The following MCCC2 variants were observed in gnomAD, a reference collection of about 807,000 sequenced individuals.
The protein encoded by MCCC2 is methylcrotonoyl-CoA carboxylase beta chain, mitochondrial.
MCCC2 carries 52 observed loss-of-function variants against 77.2 expected under a neutral mutation model. That is an observed-to-expected ratio of 0.67 (90% CI 0.54 to 0.85). The LOEUF (loss-of-function observed/expected upper bound fraction) is 0.85. Ranked by LOEUF, MCCC2 falls within the 40% of genes least tolerant of loss-of-function variation. The pLI, the probability that MCCC2 is intolerant of heterozygous loss-of-function variation, is 0.00. For missense variants in MCCC2, 682 were observed against 703.2 expected, an observed-to-expected ratio of 0.97 and a Z score of 0.34; for synonymous variants, 253 against 248.4, an observed-to-expected ratio of 1.02 and a Z score of -0.18.
At chr5:71,646,369 C>T (rs1747275509) in intron 13 of MCCC2, 92 bp downstream of exon 13, 1 of 1,144,392 alleles carries the variant, frequency 8.7e-7, no homozygotes, top group African/African-American at 1.5e-5. Context: ...ATGTAGACCA[C>T]TTCATCAGAG....
chr5:71,637,807 C>T (rs1041081220), intron 10 of MCCC2, among the ~76,000 whole-genome samples: 6 of 152,176 alleles, frequency 3.9e-5, no homozygotes, highest in Non-Finnish European at 5.9e-5. Flanking sequence ...CAAGCTCAGC[C>T]TCCTGGGTTC....
chr5:71,622,580 C>T (rs1746391612), intron 6 of MCCC2, among the ~76,000 whole-genome samples: 1 of 152,196 alleles, frequency 6.6e-6, no homozygotes, highest in Non-Finnish European at 1.5e-5. Flanking sequence ...CATTTCTACC[C>T]AGTCCCCTGC....
At chr5:71,608,522 C>G in intron 6 of MCCC2, among the ~76,000 whole-genome samples, 1 of 150,210 alleles carries the variant, frequency 6.7e-6, no homozygotes, top group South Asian at 2.1e-4. Context: ...GGTCTTGACT[C>G]TTTATCCAGT....
chr5:71,632,041 T>G, intron 7 of MCCC2, 80 bp from the exon 8 acceptor site: 1 of 1,178,896 alleles, frequency 8.5e-7, no homozygotes, highest in Non-Finnish European at 1.3e-6. Flanking sequence ...TATAGTCAGG[T>G]GAGGAGTTGT....
rs756978283 is a variant in MCCC2 at position 71,640,963 on chromosome 5, CA to C, written c.1000-38del. On this transcript the variant is annotated intron_variant, in intron 10 of 16. Coordinates refer to ENST00000340941, the MANE Select transcript of MCCC2 (RefSeq NM_022132.5). ...TAACTTTAATACAAAAATTCTTTTG[CA>C]ATATAATTTCTCAAGGCCATTGTTG... The C allele has an allele frequency of 1.7e-4, 266 of 1,552,582 alleles. 2 individuals carry two copies. Among genetic ancestry groups the C allele is most frequent in the Middle Eastern group, 5.2e-4 (3 of 5,768 alleles).
At chr5:71,623,299 T>A (rs1442707294) in intron 6 of MCCC2, among the ~76,000 whole-genome samples, 1 of 152,212 alleles carries the variant, frequency 6.6e-6, no homozygotes, top group African/African-American at 2.4e-5. Context: ...GGGCGCAGTG[T>A]AGCTCTGGGT....
At chr5:71,601,637 C>T (rs1297203735) in intron 4 of MCCC2, among the ~76,000 whole-genome samples, 2 of 152,130 alleles carry the variant, frequency 1.3e-5, no homozygotes, top group Non-Finnish European at 2.9e-5. Context: ...GTTCAGTTGC[C>T]GTTCTCTATT....
At chr5:71,596,613 A>C (rs750946432) in intron 3 of MCCC2, among the ~76,000 whole-genome samples, 1 of 152,174 alleles carries the variant, frequency 6.6e-6, no homozygotes, top group Non-Finnish European at 1.5e-5. Flanking sequence ...TAGAGTTTAC[A>C]TCATAGCAAA....
intron 13 of MCCC2, 70 bp downstream of exon 13, chr5:71,646,347 T>C: frequency 5.1e-6 from 7 of 1,380,336 alleles, no homozygotes; most frequent in Non-Finnish European, 7.2e-6. Context: ...GCTCATGTAT[T>C]GGACAGCACA....
intron 11 of MCCC2, chr5:71,641,384 G>T: frequency 6.0e-6 from 2 of 335,648 alleles, no homozygotes; most frequent in South Asian, 5.9e-5. Context: ...AGTTCTTTTT[G>T]TTTTTCTGGA....
Position 71,652,678 on chromosome 5 carries a change from G to C in MCCC2, c.1498G>C (p.Ala500Pro), listed in dbSNP as rs1347147388. The C allele has an allele frequency of 5.6e-6, 9 of 1,614,100 alleles. No homozygotes were observed. The highest frequency in any genetic ancestry group is 7.6e-6 in the Non-Finnish European group (9 of 1,179,996). Residue 500 changes from alanine to proline, a missense_variant, in exon 16 of 17, where the codon GCT becomes CCT. Transcript: ENST00000340941. Reference protein sequence around the residue: ...RAREGKQFSSADEAALKEPII... With the variant: ...RAREGKQFSSPDEAALKEPII... ...GCCTCTTTTCCTTTAGTTCTCCAGT[G>C]CTGATGAAGCGGCTTTAAAAGAGCC...
rs1190271880 is a variant in MCCC2, at chr5:71,592,956, A to G, written c.160A>G (p.Asn54Asp). ...ENYKQMKALV[N>D]QLHERVEHIK... The stretch of plus-strand genomic sequence containing the variant: ...CTACAAGCAGATGAAAGCACTAGTA[A>G]ATCAGCTCCATGAACGAGTGGAGCA... The change falls in exon 2 of 17, where the codon AAT becomes GAT. Residue 54 changes from asparagine to aspartate, a missense_variant. By Grantham distance (23) the Asn-to-Asp change is conservative (BLOSUM62 1). Coordinates refer to ENST00000340941, the MANE Select transcript of MCCC2 (RefSeq NM_022132.5). 2 of 1,613,772 alleles carry G rather than the reference A, an allele frequency of 1.2e-6. No homozygotes were observed. The highest frequency in any genetic ancestry group is 1.7e-6 in the Non-Finnish European group (2 of 1,179,760).
In MCCC2 at chr5:71,650,193, G is replaced by A. The variant is rs190514867; in HGVS notation, c.1488+10G>A. ...CCGGGAAGGAAAGCAGGTCGGTGTC[G>A]TTTTCTCTTGTTTCTCTCTGGTTTT... On this transcript the variant is annotated intron_variant, in intron 15 of 16. Coordinates refer to ENST00000340941, the MANE Select transcript of MCCC2 (RefSeq NM_022132.5). 4.7e-5 allele frequency: 75 copies of A among 1,609,754 alleles called. 2 individuals carry two copies. The East Asian group carries it at 7.4e-4, about 16-fold the overall frequency.
chr5:71,587,377 A>C lies in MCCC2; in HGVS notation c.-49A>C. On this transcript the variant is annotated 5_prime_UTR_variant, in exon 1 of 17. Transcript: ENST00000340941. The stretch of plus-strand genomic sequence containing the variant: ...AGCCAGGGAAGCGGCAGGGGAAAGC[A>C]CCGGCTCCAGGCCAGCGTGGGCCGC... The C allele has an allele frequency of 9.8e-6, 15 of 1,526,286 alleles. No homozygotes were observed. Among genetic ancestry groups the C allele is most frequent in the Non-Finnish European group, 1.3e-5 (15 of 1,142,554 alleles). The allele number at this position is 1,526,286 out of a possible 1,614,324, so 94.5% of individuals were successfully genotyped here.
chr5:71,651,901 T>C (rs1489173615), intron 15 of MCCC2, among the ~76,000 whole-genome samples: 1 of 152,246 alleles, frequency 6.6e-6, no homozygotes, highest in African/African-American at 2.4e-5. Flanking sequence ...AATATACAGA[T>C]ACTTGAATTC....
intron 6 of MCCC2, among the ~76,000 whole-genome samples, chr5:71,625,966 C>T (rs768336488): frequency 1.3e-5 from 2 of 152,134 alleles, no homozygotes; most frequent in Non-Finnish European, 2.9e-5. Context: ...ATTTAGGAGT[C>T]ATCAGCCAAA....
In MCCC2 at chr5:71,635,166, T is replaced by TC. The variant is rs1349001113; in HGVS notation, c.920dup (p.Glu308Ter). The TC allele has an allele frequency of 2.5e-6, 4 of 1,614,178 alleles. No homozygotes were observed. The highest frequency in any genetic ancestry group is 3.4e-6 in the Non-Finnish European group (4 of 1,180,010). ...ATTTCTGCAGGTCACCATTGAACCT[T>TC]CTGAAGAGCCTTTATTTCCTGCTGA... On this transcript the variant is annotated frameshift_variant, in exon 10 of 17. Coordinates refer to ENST00000340941, the MANE Select transcript of MCCC2 (RefSeq NM_022132.5). LOFTEE classifies it high-confidence loss of function.
intron 6 of MCCC2, among the ~76,000 whole-genome samples, chr5:71,605,728 TTTAATCCATC>T (rs1745645162): frequency 6.6e-6 from 1 of 152,116 alleles, no homozygotes; most frequent in Non-Finnish European, 1.5e-5. Flanking sequence ...TGTTTAAGTC[TTTAATCCATC>T]TTGAATTGAT....
intron 7 of MCCC2, among the ~76,000 whole-genome samples, chr5:71,629,241 A>G (rs1746633726): frequency 6.6e-6 from 1 of 152,116 alleles, no homozygotes; most frequent in Non-Finnish European, 1.5e-5. Flanking sequence ...AAAAGGACAA[A>G]TAAATGATTT....
Sources: allele counts gnomAD v4.1 joint callset (sites outside exome capture counted in the v4.1 genomes callset), GRCh38; gene constraint gnomAD v4.1.1; transcripts MANE v1.5; gene names NCBI Gene and HGNC (gene_info 2026-07-23, HGNC 2026-07-21).